The following ZFAND4 variants were observed in gnomAD, a reference collection of about 807,000 sequenced individuals.
The protein encoded by ZFAND4 is zinc finger AN1-type containing 4.
Under a neutral mutation model 64.4 loss-of-function variants are expected in ZFAND4, and 43 were observed. The ratio of observed to expected loss-of-function variants is 0.67; its 90% CI spans 0.52 to 0.86. The LOEUF (loss-of-function observed/expected upper bound fraction) is 0.86, where lower values mean the gene tolerates loss of function less well. ZFAND4 is among the 40% of genes least tolerant of loss of function. The probability of loss-of-function intolerance (pLI) is 0.00; values close to 1 mark genes in which losing one functional copy is unlikely to be tolerated. For missense variants in ZFAND4, 929 were observed against 859.8 expected (o/e 1.08, Z -1.01); for synonymous variants, 296 against 305.7 (o/e 0.97, Z 0.33).
chr10:45,624,031 T>G (rs1427830995), intron 8 of ZFAND4, among the ~76,000 whole-genome samples: 1 of 152,174 alleles, frequency 6.6e-6, no homozygotes, highest in African/African-American at 2.4e-5. Flanking sequence ...GCTTCCTTCC[T>G]CCTTGAAAAT....
At chr10:45,657,849 A>G (rs766321002) in intron 2 of ZFAND4, among the ~76,000 whole-genome samples, 10 of 152,234 alleles carry the variant, frequency 6.6e-5, no homozygotes, top group Non-Finnish European at 1.3e-4. Flanking sequence ...TATAAAGTAT[A>G]TGATTTCATT....
In ZFAND4 at chr10:45,663,745, C is replaced by T. The variant is rs770588897; in HGVS notation, c.-20G>A. The T allele has an allele frequency of 5.2e-5, 81 of 1,572,642 alleles. No individual in the cohort carries two copies. The highest frequency in any genetic ancestry group is 6.4e-5 in the Non-Finnish European group (75 of 1,166,104). On this transcript the variant is annotated 5_prime_UTR_variant, in exon 2 of 10. Coordinates refer to ENST00000344646, the MANE Select transcript of ZFAND4 (RefSeq NM_174890.4). The stretch of plus-strand genomic sequence containing the variant: ...ATCCATTACTTTGACTTTTCTAGTT[C>T]TTCTAAAATATGTCGCAGGCAACTG...
chr10:45,643,751 G>A (rs571650169), intron 5 of ZFAND4, among the ~76,000 whole-genome samples: 1 of 151,294 alleles, frequency 6.6e-6, no homozygotes, highest in Admixed American at 6.6e-5. Context: ...GACTGATGCT[G>A]CATTTTGTAT....
intron 3 of ZFAND4, among the ~76,000 whole-genome samples, 167 bp downstream of exon 3, chr10:45,652,817 C>T (rs1322092403): frequency 2.6e-5 from 4 of 152,136 alleles, no homozygotes; most frequent in African/African-American, 9.7e-5. Flanking sequence ...AAGTAGTATA[C>T]AGTACCAAAC....
intron 1 of ZFAND4, among the ~76,000 whole-genome samples, chr10:45,665,887 T>C (rs2048793301): frequency 6.6e-6 from 1 of 152,228 alleles, no homozygotes; most frequent in South Asian, 2.1e-4. Context: ...TGTTCTAGGA[T>C]ATATCAGTAT....
chr10:45,661,470 C>T (rs1045951567), intron 2 of ZFAND4, among the ~76,000 whole-genome samples: 1 of 152,082 alleles, frequency 6.6e-6, no homozygotes, highest in Non-Finnish European at 1.5e-5. Context: ...CCAAAAACTT[C>T]CCCTAAAGAA....
intron 8 of ZFAND4, among the ~76,000 whole-genome samples, chr10:45,623,100 C>A (rs532138879): frequency 2.6e-5 from 4 of 152,146 alleles, no homozygotes; most frequent in African/African-American, 9.6e-5. Flanking sequence ...TGGCTACTAG[C>A]AAAAACATAG....
chr10:45,657,477 T>C (rs192961581), intron 2 of ZFAND4, among the ~76,000 whole-genome samples: 2 of 152,218 alleles, frequency 1.3e-5, no homozygotes, highest in African/African-American at 4.8e-5. Context: ...AGAACTTTTA[T>C]GTATTACTCA....
chr10:45,643,992 T>C (rs905795938), intron 5 of ZFAND4, among the ~76,000 whole-genome samples: 1 of 152,234 alleles, frequency 6.6e-6, no homozygotes, highest in African/African-American at 2.4e-5. Flanking sequence ...TAAAGTTTTA[T>C]TGGAACAAAG....
In ZFAND4 at chr10:45,616,442, T is replaced by A; in HGVS notation, c.2178A>T (p.Lys726Asn). The change falls in exon 10 of 10, where the codon AAA (lysine) becomes AAT (asparagine). Residue 726 changes from lysine to asparagine, a missense_variant. Coordinates refer to ENST00000344646, the MANE Select transcript of ZFAND4 (RefSeq NM_174890.4). ...NPVVNAPKLPKI is the reference protein window; with the variant it reads ...NPVVNAPKLPNI ...GTAAGATGTAGAGGAAGAGTTAGAT[T>A]TTTGGAAGCTTTGGTGCATTAACCA... The A allele has an allele frequency of 6.2e-7, 1 of 1,614,100 alleles. No homozygotes were observed. Among genetic ancestry groups the A allele is most frequent in the Non-Finnish European group, 8.5e-7 (1 of 1,179,976 alleles).
chr10:45,645,904 C>T (rs779213797), intron 5 of ZFAND4, among the ~76,000 whole-genome samples: 46 of 151,926 alleles, frequency 3.0e-4, no homozygotes, highest in Non-Finnish European at 4.9e-4. Flanking sequence ...ATTTTATAAA[C>T]GCCTTAAAAA....
Position 45,660,520 on chromosome 10 carries a change from T to C in ZFAND4, c.184+3022A>G, listed in dbSNP as rs114339378. On this transcript the variant is annotated intron_variant, in intron 2 of 9. Coordinates refer to ENST00000344646, the MANE Select transcript of ZFAND4 (RefSeq NM_174890.4). Reference sequence around the variant, plus strand: ...AAATACTTAAATAATGGCCCAGATTTTCCAAAATTAATGAAACATACCAAA... The same window carrying C: ...AAATACTTAAATAATGGCCCAGATTCTCCAAAATTAATGAAACATACCAAA... 9.7e-3 allele frequency among the ~76,000 whole-genome samples: 1,474 copies of C among 152,108 alleles called. 26 individuals carry two copies. The highest frequency in any genetic ancestry group is 0.034 in the African/African-American group (1,407 of 41,476).
rs144671776 is a variant in ZFAND4, at chr10:45,624,627, C to G, written c.1883G>C (p.Gly628Ala). 5.6e-6 allele frequency: 9 copies of G among 1,613,612 alleles called. No homozygotes were observed. In the African/African-American group the frequency reaches 1.2e-4, roughly 22 times the overall value. ...EHTGVFLSTH[G>A]VGMNGNNAAA... is the part of the protein sequence containing the mutation. The stretch of plus-strand genomic sequence containing the variant: ...TGCATTATTTCCATTCATTCCAACA[C>G]CATGGGTAGACTACAATTAAAACAC... Residue 628 changes from glycine (G) to alanine (A), a missense_variant, in exon 8 of 10, where the codon GGT becomes GCT. Transcript: ENST00000344646.
In ZFAND4 at chr10:45,626,376, G is replaced by A. The variant is rs1358396334; in HGVS notation, c.1447C>T (p.Leu483=). 3 of 1,614,048 alleles carry A rather than the reference G, an allele frequency of 1.9e-6. No homozygotes were observed. The African/African-American group carries it at 4.0e-5, about 22-fold the overall frequency. ...SPLRCSAPMS[L]HNSLVKPERQ... is the part of the protein sequence containing the mutation. ...TCTGGTTTCACCAGAGAATTATGTA[G>A]CGACATTGGTGCAGAACAGCGAAGA... Residue 483 remains leucine (L), a synonymous_variant, in exon 7 of 10, where the codon CTA becomes TTA. Coordinates refer to ENST00000344646, the MANE Select transcript of ZFAND4 (RefSeq NM_174890.4).
chr10:45,642,798 A>C (rs2047103347), intron 5 of ZFAND4, among the ~76,000 whole-genome samples: 1 of 151,842 alleles, frequency 6.6e-6, no homozygotes, highest in African/African-American at 2.4e-5. Flanking sequence ...AACTAGGTTA[A>C]CATACTAATT....
chr10:45,631,381 A>C (rs184467706), intron 6 of ZFAND4, among the ~76,000 whole-genome samples: 16 of 150,768 alleles, frequency 1.1e-4, no homozygotes, highest in Admixed American at 5.9e-4. Flanking sequence ...AAAAAAAAAA[A>C]ACATATAAAT....
chr10:45,658,987 CA>C (rs2048308575), intron 2 of ZFAND4, among the ~76,000 whole-genome samples: 1 of 152,136 alleles, frequency 6.6e-6, no homozygotes, highest in Non-Finnish European at 1.5e-5. Flanking sequence ...TTGAGATAGG[CA>C]AACCCAGAGA....
intron 6 of ZFAND4, among the ~76,000 whole-genome samples, chr10:45,633,335 C>T (rs2046348373): frequency 6.6e-6 from 1 of 151,750 alleles, no homozygotes; most frequent in Admixed American, 6.6e-5. Flanking sequence ...TATTAGATCC[C>T]AAAGAATAAA....
At chr10:45,639,073 T>A (rs1248560416) in intron 6 of ZFAND4, among the ~76,000 whole-genome samples, 1 of 152,200 alleles carries the variant, frequency 6.6e-6, no homozygotes, top group Non-Finnish European at 1.5e-5. Flanking sequence ...TAAAGATTTT[T>A]GAATTTTATT....
Sources: allele counts gnomAD v4.1 joint callset (sites outside exome capture counted in the v4.1 genomes callset), GRCh38; gene constraint gnomAD v4.1.1; transcripts MANE v1.5; gene names NCBI Gene and HGNC (gene_info 2026-07-23, HGNC 2026-07-21).